DHX40: variants seen among roughly 807,000 people sequenced by gnomAD.
The protein encoded by DHX40 is DEAH-box helicase 40.
Under a neutral mutation model 89.6 loss-of-function variants are expected in DHX40, and 28 were observed. The observed-to-expected ratio is 0.31, with a 90% CI of 0.23 to 0.43. The LOEUF (loss-of-function observed/expected upper bound fraction) is 0.43. DHX40 is among the 20% of genes least tolerant of loss of function. The pLI, the probability that DHX40 is intolerant of heterozygous loss-of-function variation, is 1.00. For synonymous variants in DHX40, 226 were observed against 283.6 expected (o/e 0.80, Z 2.04); for missense variants, 457 against 844.0 (o/e 0.54, Z 5.68).
chr17:59,600,900 G>A (rs926734575), intron 14 of DHX40, among the ~76,000 whole-genome samples: 2 of 139,256 alleles, frequency 1.4e-5, no homozygotes, highest in African/African-American at 5.6e-5. Context: ...ACAGGTCACT[G>A]CACACTTAAA....
chr17:59,608,044 A>T lies in DHX40; in HGVS notation c.*872A>T, dbSNP rs1442098136. On this transcript the variant is annotated 3_prime_UTR_variant, in exon 18 of 18. Transcript: ENST00000251241. ...TGGGTAGGGCCATTTAACTTCCATT[A>T]TGCCAAACTTGGGATGGGATTTTCG... 4 of 154,726 alleles carry T rather than the reference A, an allele frequency of 2.6e-5. No homozygotes were observed. The highest frequency in any genetic ancestry group is 4.4e-5 in the Non-Finnish European group (3 of 68,208). The allele number at this position is 154,726 out of a possible 1,614,324, so 9.6% of individuals were successfully genotyped here.
chr17:59,605,735 C>A (rs745717634), intron 17 of DHX40, 61 bp downstream of exon 17: 16 of 1,467,474 alleles, frequency 1.1e-5, no homozygotes, highest in African/African-American at 1.4e-5. Flanking sequence ...AGTAGTACTT[C>A]ACTATTTTTG....
In DHX40 at chr17:59,602,565, A is replaced by G. The variant is rs1239696455; in HGVS notation, c.1850A>G (p.Glu617Gly). 1 of 1,613,904 alleles carries G rather than the reference A, an allele frequency of 6.2e-7. No homozygotes were observed. The highest frequency in any genetic ancestry group is 1.7e-5 in the Admixed American group (1 of 60,002). Residue 617 changes from glutamate (E) to glycine (G), a missense_variant, in exon 15 of 18, where the codon GAA becomes GGA. Physicochemically the swap from Glu to Gly is moderately conservative, Grantham distance 98 (BLOSUM62 -2). Coordinates refer to ENST00000251241, the MANE Select transcript of DHX40 (RefSeq NM_024612.5). ...PKETFEGPKH[E>G]VLRRCLCAGY... The stretch of plus-strand genomic sequence containing the variant: ...GAGACCTTTGAAGGCCCTAAACATG[A>G]AGTACTACGAAGATGTCTTTGTGCG...
chr17:59,575,010 T>C (rs1286342664), intron 6 of DHX40, among the ~76,000 whole-genome samples: 4 of 152,104 alleles, frequency 2.6e-5, no homozygotes. Context: ...ACTTAAGTAT[T>C]TTGAAATTTA....
intron 8 of DHX40, 37 bp downstream of exon 8, chr17:59,577,402 C>T (rs572849839): frequency 2.6e-6 from 4 of 1,539,206 alleles, no homozygotes; most frequent in Non-Finnish European, 3.6e-6. Flanking sequence ...GTCAAGGAAG[C>T]CTATCGTTAC....
chr17:59,597,607 T>G (rs796799050), intron 12 of DHX40, among the ~76,000 whole-genome samples: 2 of 151,238 alleles, frequency 1.3e-5, no homozygotes, highest in Non-Finnish European at 2.9e-5. Flanking sequence ...CAGGCCAAAG[T>G]GCAGTGATGC....
At position 59,608,169 on chromosome 17, in the gene DHX40, G is replaced by A. The variant is rs1421419682; in HGVS notation, c.*997G>A. 2 of 154,556 alleles carry A rather than the reference G, an allele frequency of 1.3e-5. No individual in the cohort carries two copies. Among genetic ancestry groups the A allele is most frequent in the African/African-American group, 4.8e-5 (2 of 41,484 alleles). 9.6% of individuals were successfully genotyped at this position (154,556 alleles called of 1,614,324 possible). A position where few individuals can be genotyped will look rare whatever the true frequency, so the allele number is the denominator to read the frequency against. On this transcript the variant is annotated 3_prime_UTR_variant, in exon 18 of 18. Coordinates refer to ENST00000251241, the MANE Select transcript of DHX40 (RefSeq NM_024612.5). ...CAGCACTTGCCCACTCTTGTTTACT[G>A]CCTTGTATTCTAGTTATTTGTGTAT...
intron 6 of DHX40, among the ~76,000 whole-genome samples, 164 bp downstream of exon 6, chr17:59,574,418 G>A (rs529823962): frequency 6.7e-6 from 1 of 150,092 alleles, no homozygotes; most frequent in Non-Finnish European, 1.5e-5. Context: ...GATAAAAATT[G>A]TAAGCTAGCT....
chr17:59,587,390 AT>A (rs1454748825), intron 11 of DHX40, among the ~76,000 whole-genome samples: 1 of 149,140 alleles, frequency 6.7e-6, no homozygotes, highest in South Asian at 2.1e-4. Context: ...TGCCCAGGTA[AT>A]TTTTTTATAT....
At chr17:59,577,387 T>A in intron 8 of DHX40, 22 bp downstream of exon 8, 1 of 1,598,354 alleles carries the variant, frequency 6.3e-7, no homozygotes, top group Non-Finnish European at 8.6e-7. Flanking sequence ...GAACTTTCTC[T>A]TAAAGTCAAG....
rs768717175 is a variant in DHX40, at chr17:59,566,709, T to C, written c.195T>C (p.Ala65=). The C allele has an allele frequency of 3.7e-6, 6 of 1,607,002 alleles. No individual in the cohort carries two copies. In the South Asian group the frequency reaches 6.7e-5, roughly 18 times the overall value. The change falls in exon 2 of 18, where the codon GCT becomes GCC. Residue 65 remains alanine, a synonymous_variant. Coordinates refer to ENST00000251241, the MANE Select transcript of DHX40 (RefSeq NM_024612.5). ...IQKQRKKIIQ[A]VRDNSFLIVT... ...AACAAAGAAAAAAGATTATTCAAGCTGTGAGGGACAATTCATTCCTTATTG... is the reference window on the plus strand; with the variant it reads ...AACAAAGAAAAAAGATTATTCAAGCCGTGAGGGACAATTCATTCCTTATTG...
At chr17:59,568,089 G>A (rs994050292) in intron 2 of DHX40, among the ~76,000 whole-genome samples, 12 of 152,186 alleles carry the variant, frequency 7.9e-5, no homozygotes, top group South Asian at 4.1e-4. Flanking sequence ...AAAATTAGGC[G>A]TGGTGGCGGG....
intron 2 of DHX40, among the ~76,000 whole-genome samples, chr17:59,568,868 ATATT>A (rs1164103565): frequency 5.4e-4 from 81 of 150,392 alleles, no homozygotes; most frequent in African/African-American, 1.8e-3. Flanking sequence ...ATAGATATAT[ATATT>A]TATTTATTTT....
At chr17:59,574,388 A>G (rs1296065918) in intron 6 of DHX40, 134 bp downstream of exon 6, 2 of 425,644 alleles carry the variant, frequency 4.7e-6, no homozygotes, top group Non-Finnish European at 8.9e-6. Flanking sequence ...GATTATCTGA[A>G]TAATTTTAGG....
rs539349936 is a variant in DHX40 at position 59,591,715 on chromosome 17, A to G, written c.1582+3662A>G. Among the ~76,000 whole-genome samples the G allele has an allele frequency of 3.8e-4, 57 of 151,782 alleles. 2 individuals carry two copies. In the South Asian group the frequency reaches 0.01, roughly 27 times the overall value. On this transcript the variant is annotated intron_variant, in intron 12 of 17. Coordinates refer to ENST00000251241, the MANE Select transcript of DHX40 (RefSeq NM_024612.5). Reference sequence around the variant, plus strand: ...GCTTTATTACTCTGTCTCCCTCTATATATGTATATATAAATGGATTTTTTT... The same window carrying G: ...GCTTTATTACTCTGTCTCCCTCTATGTATGTATATATAAATGGATTTTTTT...
chr17:59,598,477 A>T (rs552543398), intron 12 of DHX40, among the ~76,000 whole-genome samples: 2 of 152,204 alleles, frequency 1.3e-5, no homozygotes, highest in East Asian at 1.9e-4. Flanking sequence ...TAAAAAGTAA[A>T]TTACAAATAC....
At chr17:59,570,193 AAT>A (rs1309174158) in intron 2 of DHX40, among the ~76,000 whole-genome samples, 1 of 118,334 alleles carries the variant, frequency 8.5e-6, no homozygotes, top group Non-Finnish European at 1.6e-5. Context: ...TATAATATAT[AAT>A]ATATTATAAT....
At position 59,587,884 on chromosome 17, in the gene DHX40, C is replaced by A; in HGVS notation, c.1425-12C>A. 4 of 1,601,156 alleles carry A rather than the reference C, an allele frequency of 2.5e-6. No individual in the cohort carries two copies. Among genetic ancestry groups the A allele is most frequent in the Non-Finnish European group, 3.4e-6 (4 of 1,171,944 alleles). On this transcript the variant is annotated splice_polypyrimidine_tract_variant and intron_variant, in intron 11 of 17. Transcript: ENST00000251241. ...GTGTAGAAAGACTTACAAACTTTTT[C>A]TTTGTATTAAGGAGTGGCCATGTCA...
At chr17:59,570,106 TA>T (rs1292737223) in intron 2 of DHX40, among the ~76,000 whole-genome samples, 6 of 128,004 alleles carry the variant, frequency 4.7e-5, no homozygotes, top group African/African-American at 9.0e-5. Context: ...GTATATATTA[TA>T]ATATATTATA....
Sources: gnomAD v4.1 joint callset for allele counts (sites outside exome capture counted in the v4.1 genomes callset) on GRCh38, gnomAD v4.1.1 for gene constraint, MANE v1.5 for transcripts, NCBI Gene and HGNC (gene_info 2026-07-23, HGNC 2026-07-21) for gene names.